The following WNK1 variants were observed in gnomAD, a reference collection of about 807,000 sequenced individuals.
WNK1 encodes WNK lysine deficient protein kinase 1.
In WNK1, 38 loss-of-function variants were observed where a neutral mutation model predicts 222.8. That is an observed-to-expected ratio of 0.17 (90% CI 0.13 to 0.22). The LOEUF is 0.22. WNK1 is among the 10% of genes least tolerant of loss of function. The pLI is 1.00. For synonymous variants in WNK1, 1,090 were observed against 1,092.9 expected (o/e 1.00, Z 0.05); for missense variants, 2,348 against 2,918.4 (o/e 0.80, Z 4.50).
chr12:831,710 A>G (rs1045112131), intron 4 of WNK1, among the ~76,000 whole-genome samples: 1 of 152,056 alleles, frequency 6.6e-6, no homozygotes, highest in Non-Finnish European at 1.5e-5. Flanking sequence ...TAATGAATTA[A>G]CATTTTTAAA....
At chr12:851,183 A>G (rs1428188283) in intron 4 of WNK1, among the ~76,000 whole-genome samples, 1 of 152,174 alleles carries the variant, frequency 6.6e-6, no homozygotes, top group Non-Finnish European at 1.5e-5. Context: ...TTCCCTGTCC[A>G]GTGTTCGTTT....
chr12:789,071 T>C (rs971022239), intron 1 of WNK1, among the ~76,000 whole-genome samples: 3 of 152,178 alleles, frequency 2.0e-5, no homozygotes, highest in South Asian at 4.1e-4. Context: ...GAGGCTACAT[T>C]ACATCTTTGT....
At chr12:852,041 C>CGG (rs1950458161) in intron 4 of WNK1, among the ~76,000 whole-genome samples, 2 of 152,036 alleles carry the variant, frequency 1.3e-5, no homozygotes, top group Non-Finnish European at 2.9e-5. Flanking sequence ...GTTAATGTTA[C>CGG]CCTACGACAT....
Position 882,024 on chromosome 12 carries a change from G to A in WNK1, c.3323G>A (p.Ser1108Asn). 1 of 1,614,104 alleles carries A rather than the reference G, an allele frequency of 6.2e-7. No individual in the cohort carries two copies. Among genetic ancestry groups the A allele is most frequent in the South Asian group, 1.1e-5 (1 of 91,066 alleles). ...TKRHYRKSVR[S>N]RSRHEKTSRP... is the part of the protein sequence containing the mutation. ...CGGCATTACCGAAAATCTGTAAGGA[G>A]TCGCTCTCGACATGAAAAAACTTCA... Residue 1108 changes from serine to asparagine, a missense_variant, in exon 14 of 28, where the codon AGT becomes AAT. By Grantham distance (46) the Ser-to-Asn change is conservative (BLOSUM62 1). Around this residue, in one of 13 missense-constraint regions of WNK1, gnomAD observed 547 missense variants for 558.3 expected, o/e 0.98. Transcript: ENST00000315939.
chr12:756,854 G>A (rs531101603), intron 1 of WNK1, among the ~76,000 whole-genome samples: 5 of 152,332 alleles, frequency 3.3e-5, no homozygotes, highest in African/African-American at 1.2e-4. Flanking sequence ...AGAATATTGA[G>A]TTAAGTTGTT....
chr12:855,678 A>G (rs902588032), intron 4 of WNK1, among the ~76,000 whole-genome samples: 2 of 152,110 alleles, frequency 1.3e-5, no homozygotes, highest in East Asian at 1.9e-4. Flanking sequence ...TTACAGTGCC[A>G]CTTGAACAGC....
At chr12:757,042 C>T (rs12296798) in intron 1 of WNK1, among the ~76,000 whole-genome samples, 13,577 of 152,046 alleles carry the variant, frequency 0.089, 804 homozygotes, top group African/African-American at 0.16. Context: ...CATTTGTAGT[C>T]CAGTAGATGG....
intron 1 of WNK1, among the ~76,000 whole-genome samples, chr12:756,195 C>T (rs1940003341): frequency 6.6e-6 from 1 of 152,082 alleles, no homozygotes; most frequent in South Asian, 2.1e-4. Context: ...AGACTGGACC[C>T]AATTACTTGT....
At chr12:867,902 A>G in intron 8 of WNK1, 2 of 1,614,032 alleles carry the variant, frequency 1.2e-6, no homozygotes, top group South Asian at 1.1e-5. Context: ...GGGGACCCCA[A>G]CATACCCAGA....
intron 4 of WNK1, among the ~76,000 whole-genome samples, chr12:852,254 T>C (rs1248661783): frequency 6.6e-6 from 1 of 152,190 alleles, no homozygotes; most frequent in African/African-American, 2.4e-5. Flanking sequence ...TAATACAACA[T>C]AAAATTTGAT....
At chr12:776,404 TTGTGTGTTTGTG>T (rs1393584887) in intron 1 of WNK1, among the ~76,000 whole-genome samples, 1 of 56,446 alleles carries the variant, frequency 1.8e-5, no homozygotes, top group Non-Finnish European at 3.7e-5. Context: ...CTGTGTGTGT[TTGTGTGTTTGTG>T]TGTGTGTGTG....
chr12:878,255 A>G lies in WNK1; in HGVS notation c.2267A>G (p.Gln756Arg), dbSNP rs776731718. Reference protein sequence around the residue: ...QQTAPPQQTVQYSLSQTSTSS... With the variant: ...QQTAPPQQTVRYSLSQTSTSS... The stretch of plus-strand genomic sequence containing the variant: ...ACAGCCCCTCCTCAACAGACAGTGC[A>G]GTATTCACTTTCACAGACATCAACC... Residue 756 changes from glutamine (Q) to arginine (R), a missense_variant, in exon 10 of 28, where the codon CAG becomes CGG. Around this residue, in one of 13 missense-constraint regions of WNK1, gnomAD observed 547 missense variants for 558.3 expected, o/e 0.98. Coordinates refer to ENST00000315939, the MANE Select transcript of WNK1 (RefSeq NM_018979.4). 4 of 1,614,082 alleles carry G rather than the reference A, an allele frequency of 2.5e-6. No homozygotes were observed. Among genetic ancestry groups the G allele is most frequent in the Non-Finnish European group, 2.5e-6 (3 of 1,180,032 alleles).
intron 19 of WNK1, 23 bp downstream of exon 19, chr12:886,107 A>C (rs1319088015): frequency 6.4e-7 from 1 of 1,559,294 alleles, no homozygotes; most frequent in Non-Finnish European, 8.6e-7. Flanking sequence ...TTATAAAATA[A>C]TTAGATAAAT....
At chr12:787,384 T>C (rs1466799406) in intron 1 of WNK1, among the ~76,000 whole-genome samples, 1 of 152,174 alleles carries the variant, frequency 6.6e-6, no homozygotes, top group Non-Finnish European at 1.5e-5. Flanking sequence ...CCCAAAGTGC[T>C]AGGATTTCAG....
At chr12:840,050 G>A (rs1030194632) in intron 4 of WNK1, among the ~76,000 whole-genome samples, 4 of 151,854 alleles carry the variant, frequency 2.6e-5, no homozygotes, top group Non-Finnish European at 5.9e-5. Flanking sequence ...TCTAAATGGA[G>A]TAGCAAACTA....
chr12:871,319 T>C lies in WNK1; in HGVS notation c.2194T>C (p.Ser732Pro), dbSNP rs202095662. Residue 732 changes from serine to proline, a missense_variant, in exon 9 of 28, where the codon TCT becomes CCT. Transcript: ENST00000315939. The part of the protein sequence containing the change: ...PSSSSLTGVS[S>P]SQPIQHPQQQ... ...CTCAAGTAGCTTAACAGGGGTTTCA[T>C]CTTCCCAACCCATACAACATCCTCA... 46 of 1,614,078 alleles carry C rather than the reference T, an allele frequency of 2.8e-5. 1 individual carries two copies. Among genetic ancestry groups the C allele is most frequent in the Non-Finnish European group, 5.1e-6 (6 of 1,180,040 alleles).
chr12:786,196 C>T (rs952948894), intron 1 of WNK1, among the ~76,000 whole-genome samples: 1 of 152,076 alleles, frequency 6.6e-6, no homozygotes, highest in East Asian at 1.9e-4. Flanking sequence ...CCTTAGACTA[C>T]TTGATTAGCT....
At chr12:905,735 T>G (rs774985924) in intron 26 of WNK1, among the ~76,000 whole-genome samples, 5 of 152,208 alleles carry the variant, frequency 3.3e-5, no homozygotes, top group Admixed American at 6.5e-5. Flanking sequence ...TCTCTCACAT[T>G]GGCTGTTCAT....
At chr12:849,894 AAC>A (rs1950296135) in intron 4 of WNK1, among the ~76,000 whole-genome samples, 2 of 152,194 alleles carry the variant, frequency 1.3e-5, no homozygotes, top group Admixed American at 6.5e-5. Flanking sequence ...AAAGGACATG[AAC>A]TCATCCTTTT....
Sources: gnomAD v4.1 joint callset for allele counts (sites outside exome capture counted in the v4.1 genomes callset) on GRCh38, gnomAD v4.1.1 for gene constraint, gnomAD v4.1.1 regional missense constraint, MANE v1.5 for transcripts, NCBI Gene and HGNC (gene_info 2026-07-23, HGNC 2026-07-21) for gene names.